The following NBPF26 variants were observed in gnomAD, a reference collection of about 807,000 sequenced individuals.
NBPF26 encodes NBPF family member NBPF26.
Under a neutral mutation model 119.6 loss-of-function variants are expected in NBPF26, and 79 were observed. The ratio of observed to expected loss-of-function variants is 0.66; its 90% CI spans 0.55 to 0.80. NBPF26 has a LOEUF of 0.80. Among genes scored for constraint, NBPF26 ranks in the 30% least tolerant of loss-of-function variants. NBPF26 has a pLI of 0.00. For synonymous variants in NBPF26, 299 were observed against 457.7 expected, an observed-to-expected ratio of 0.65 and a Z score of 4.43; for missense variants, 800 against 1,198.2, an observed-to-expected ratio of 0.67 and a Z score of 4.91.
At chr1:120,812,931 A>G (rs1458821982) in intron 10 of NBPF26, among the ~76,000 whole-genome samples, 35 of 14,986 alleles carry the variant, frequency 2.3e-3, no homozygotes, top group Admixed American at 7.3e-3. Context: ...AAATAATAAT[A>G]ATAATAATAA....
chr1:120,812,144 C>T, intron 10 of NBPF26, 49 bp downstream of exon 10: 2 of 1,062,558 alleles, frequency 1.9e-6, no homozygotes, highest in Non-Finnish European at 2.7e-6. Context: ...GAGGTCCTGT[C>T]TTCTCTCTGA....
chr1:120,776,134 T>C lies in NBPF26; in HGVS notation c.156-8840T>C, dbSNP rs2101435425. Among the ~76,000 whole-genome samples, 2 of 117,112 alleles carry C rather than the reference T, an allele frequency of 1.7e-5. 1 individual carries two copies. The highest frequency in any genetic ancestry group is 4.9e-4 in the South Asian group (2 of 4,056). The allele number at this position is 117,112 out of a possible 152,430, so 76.8% of individuals were successfully genotyped here. A position where few individuals can be genotyped will look rare whatever the true frequency, so the allele number is the denominator to read the frequency against. ...GCACTGAATAGTTGAATGCCTTCTA[T>C]ATGCCAGTCATTGTGTTAGGCACTG... On this transcript the variant is annotated intron_variant, in intron 2 of 29. Transcript: ENST00000620612.
At chr1:120,833,432 T>G (rs1429123481) in intron 23 of NBPF26, among the ~76,000 whole-genome samples, 171 bp from the exon 28 acceptor site, 1 of 98,018 alleles carries the variant, frequency 1.0e-5, no homozygotes, top group Non-Finnish European at 1.8e-5. Context: ...TTTCATTGTT[T>G]TCTACCTGGC....
chr1:120,806,282 A>G lies in NBPF26; in HGVS notation c.961+517A>G, dbSNP rs1222048268. Reference sequence around the variant, plus strand: ...GCTCCTAATAGAACCTGTGCTATCTATAAGTGACAGCATCAAGAGCAGGGA... The same window carrying G: ...GCTCCTAATAGAACCTGTGCTATCTGTAAGTGACAGCATCAAGAGCAGGGA... On this transcript the variant is annotated intron_variant, in intron 5 of 29. Coordinates refer to ENST00000620612, the Ensembl canonical transcript of NBPF26. 1.7e-5 allele frequency among the ~76,000 whole-genome samples: 2 copies of G among 119,938 alleles called. 1 individual carries two copies. Among genetic ancestry groups the G allele is most frequent in the African/African-American group, 8.2e-5 (2 of 24,476 alleles). 78.7% of individuals were successfully genotyped at this position (119,938 alleles called of 152,430 possible). A position where few individuals can be genotyped will look rare whatever the true frequency, so the allele number is the denominator to read the frequency against.
At chr1:120,784,851 G>T in intron 2 of NBPF26, 123 bp from the exon 3 acceptor site, 1 of 1,042,214 alleles carries the variant, frequency 9.6e-7, no homozygotes, top group East Asian at 2.6e-5. Flanking sequence ...TTTATAGGTG[G>T]TACTTGTAGG....
At chr1:120,822,842 G>C (rs1652148800) in intron 16 of NBPF26, among the ~76,000 whole-genome samples, 1 of 117,106 alleles carries the variant, frequency 8.5e-6, no homozygotes, top group African/African-American at 4.5e-5. Context: ...ACCCACAAAA[G>C]CCATAATAGC....
Position 120,823,955 on chromosome 1 carries a change from C to T in NBPF26, c.2640-19C>T. 5 of 668,560 alleles carry T rather than the reference C, an allele frequency of 7.5e-6. No individual in the cohort carries two copies. The highest frequency in any genetic ancestry group is 3.0e-5 in the South Asian group (2 of 65,944). 41.4% of individuals were successfully genotyped at this position (668,560 alleles called of 1,614,324 possible). On this transcript the variant is annotated intron_variant, in intron 17 of 29. Coordinates refer to ENST00000620612, the Ensembl canonical transcript of NBPF26. The stretch of plus-strand genomic sequence containing the variant: ...CTGATTCCCCCTGGCTTATTCTTTA[C>T]TTTTTCCCACTTTTCCAGGCTCAGC...
intron 13 of NBPF26, among the ~76,000 whole-genome samples, 194 bp downstream of exon 13, chr1:120,816,351 C>T (rs80311260): frequency 0.018 from 1,546 of 84,428 alleles, no homozygotes; most frequent in African/African-American, 0.054. Context: ...GTCATGTCTG[C>T]ACCGTACAGG....
chr1:120,805,040 T>C (rs1651647354), intron 4 of NBPF26, among the ~76,000 whole-genome samples: 1 of 120,898 alleles, frequency 8.3e-6, no homozygotes, highest in Non-Finnish European at 1.6e-5. Context: ...AAACTGTTTC[T>C]GCCTTGATGA....
At chr1:120,765,116 G>A (rs1171896488) in intron 2 of NBPF26, among the ~76,000 whole-genome samples, 1 of 116,296 alleles carries the variant, frequency 8.6e-6, no homozygotes, top group Non-Finnish European at 1.7e-5. Context: ...GGAAATAAAG[G>A]TTTTATGTAG....
At chr1:120,804,732 C>T (rs1651637688) in intron 4 of NBPF26, among the ~76,000 whole-genome samples, 1 of 116,790 alleles carries the variant, frequency 8.6e-6, no homozygotes, top group African/African-American at 5.0e-5. Flanking sequence ...GTAGGGATGT[C>T]AAACTGGTCT....
Position 120,734,302 on chromosome 1 carries a change from G to C in NBPF26, c.73+10052G>C, listed in dbSNP as rs1240820519. ...AGTATCATTGGAATTTACTGGGCTGGCTGTCTGCCAGCTATTACCATATTT... is the reference window on the plus strand; with the variant it reads ...AGTATCATTGGAATTTACTGGGCTGCCTGTCTGCCAGCTATTACCATATTT... On this transcript the variant is annotated intron_variant, in intron 1 of 29. Transcript: ENST00000620612. Among the ~76,000 whole-genome samples the C allele has an allele frequency of 5.4e-3, 132 of 24,250 alleles. 9 individuals carry two copies. Among genetic ancestry groups the C allele is most frequent in the Middle Eastern group, 0.026 (2 of 78 alleles). 15.9% of individuals were successfully genotyped at this position (24,250 alleles called of 152,430 possible).
At chr1:120,790,291 G>A (rs1220272672) in intron 3 of NBPF26, among the ~76,000 whole-genome samples, 1 of 110,922 alleles carries the variant, frequency 9.0e-6, no homozygotes, top group Non-Finnish European at 1.7e-5. Flanking sequence ...TGGGATTACA[G>A]GTGTGAGCCA....
rs1651211373 is a variant in NBPF26, at chr1:120,767,920, T to G, written c.155+4211T>G. Among the ~76,000 whole-genome samples the G allele has an allele frequency of 2.5e-5, 3 of 118,036 alleles. 1 individual carries two copies. The highest frequency in any genetic ancestry group is 1.5e-4 in the African/African-American group (3 of 20,302). The allele number at this position is 118,036 out of a possible 152,430, so 77.4% of individuals were successfully genotyped here. A position where few individuals can be genotyped will look rare whatever the true frequency, so the allele number is the denominator to read the frequency against. ...TCTTTGTCTGCTGGTTCTTAACAAC[T>G]GGGTTGTCTATGGATGTGTTTCTAT... On this transcript the variant is annotated intron_variant, in intron 2 of 29. Coordinates refer to ENST00000620612, the Ensembl canonical transcript of NBPF26.
rs1455951208 is a variant in NBPF26, at chr1:120,768,619, A to G, written c.155+4910A>G. ...TGTACCTTCACGATAAAAAAAAAAAACAAAACTGTAAATGTGGGTTTCATA... is the reference window on the plus strand; with the variant it reads ...TGTACCTTCACGATAAAAAAAAAAAGCAAAACTGTAAATGTGGGTTTCATA... On this transcript the variant is annotated intron_variant, in intron 2 of 29. Transcript: ENST00000620612. 1.8e-5 allele frequency among the ~76,000 whole-genome samples: 2 copies of G among 110,160 alleles called. 1 individual carries two copies. The highest frequency in any genetic ancestry group is 1.1e-4 in the African/African-American group (2 of 17,836). The allele number at this position is 110,160 out of a possible 152,430, so 72.3% of individuals were successfully genotyped here. A position where few individuals can be genotyped will look rare whatever the true frequency, so the allele number is the denominator to read the frequency against.
chr1:120,811,887 C>G lies in NBPF26; in HGVS notation c.1566C>G (p.Val522=), dbSNP rs1211867477. The change falls in exon 10 of 30, where the codon GTC becomes GTG. Residue 522 remains valine (V), a splice_region_variant and synonymous_variant. Transcript: ENST00000620612. ...TGTGTTTGCCTTTCTTCTCCCCAGT[C>G]CCTGGCCCCACCTCTTCTGCCACAA... 2.4e-5 allele frequency: 22 copies of G among 920,224 alleles called. 7 individuals are homozygous for G. In the South Asian group the frequency reaches 2.9e-4, roughly 12 times the overall value. The allele number at this position is 920,224 out of a possible 1,614,324, so 57.0% of individuals were successfully genotyped here.
At position 120,805,949 on chromosome 1, in the gene NBPF26, T is replaced by C. The variant is rs1400481142; in HGVS notation, c.961+184T>C. ...GAGGTACCAAAATATTTAGCAACTT[T>C]CCATGTTTGCAATCAGATGGGGGTG... On this transcript the variant is annotated intron_variant, in intron 5 of 29. Coordinates refer to ENST00000620612, the Ensembl canonical transcript of NBPF26. Among the ~76,000 whole-genome samples the C allele has an allele frequency of 2.7e-5, 3 of 111,264 alleles. 1 individual carries two copies. The highest frequency in any genetic ancestry group is 2.1e-4 in the East Asian group (1 of 4,776). 73.0% of individuals were successfully genotyped at this position (111,264 alleles called of 152,430 possible). A position where few individuals can be genotyped will look rare whatever the true frequency, so the allele number is the denominator to read the frequency against.
Position 120,778,482 on chromosome 1 carries a change from G to C in NBPF26, c.156-6492G>C, listed in dbSNP as rs1175489475. On this transcript the variant is annotated intron_variant, in intron 2 of 29. Coordinates refer to ENST00000620612, the Ensembl canonical transcript of NBPF26. ...TCCCCTTCGTTCCACATTCTGTATA[G>C]TTTTTTTAAAAATCATGATTTTGAA... is the stretch of plus-strand genomic sequence containing the variant. Among the ~76,000 whole-genome samples, 7 of 103,968 alleles carry C rather than the reference G, an allele frequency of 6.7e-5. 1 individual carries two copies. The highest frequency in any genetic ancestry group is 1.2e-4 in the Non-Finnish European group (7 of 56,798). The allele number at this position is 103,968 out of a possible 152,430, so 68.2% of individuals were successfully genotyped here.
intron 22 of NBPF26, among the ~76,000 whole-genome samples, chr1:120,832,573 A>C (rs1652363692): frequency 8.4e-6 from 1 of 118,902 alleles, no homozygotes; most frequent in Non-Finnish European, 1.6e-5. Flanking sequence ...CCTAGAAATC[A>C]TTTGAGGGTA....
Sources: gnomAD v4.1 joint callset for allele counts (sites outside exome capture counted in the v4.1 genomes callset) on GRCh38, gnomAD v4.1.1 for gene constraint, MANE v1.5 for transcripts, NCBI Gene and HGNC (gene_info 2026-07-23, HGNC 2026-07-21) for gene names.